Variants in CSMD1 observed in about 807,000 individuals in gnomAD.
CSMD1 encodes CUB and Sushi multiple domains 1.
A neutral mutation model predicts 417.5 loss-of-function variants in CSMD1; 213 were observed. That is an observed-to-expected ratio of 0.51 (90% confidence interval 0.46 to 0.57). The LOEUF is 0.57. CSMD1 is among the 20% of genes least tolerant of loss of function. The probability of loss-of-function intolerance (pLI) is 0.00; values close to 1 mark genes in which losing one functional copy is unlikely to be tolerated. For missense variants in CSMD1, 6,923 were observed against 4,529.7 expected, an observed-to-expected ratio of 1.53 and a Z score of -15.17; for synonymous variants, 2,862 against 1,736.8, an observed-to-expected ratio of 1.65 and a Z score of -16.11.
chr8:4,031,679 T>C (rs983101056), intron 4 of CSMD1, among the ~76,000 whole-genome samples: 10 of 152,208 alleles, frequency 6.6e-5, no homozygotes, highest in Admixed American at 3.3e-4. Flanking sequence ...TATCACATGT[T>C]ATTACTTACA....
Position 4,888,515 on chromosome 8 carries a change from G to C in CSMD1, c.85+105817C>G, listed in dbSNP as rs1050430594. On this transcript the variant is annotated intron_variant, in intron 1 of 69. Coordinates refer to ENST00000635120, the MANE Select transcript of CSMD1 (RefSeq NM_033225.6). ...GATAGACTGATAGATGAGAGAGAGA[G>C]AGAGAGAGAGAGAGGTATGTGTGTG... 3.9e-5 allele frequency among the ~76,000 whole-genome samples: 6 copies of C among 152,102 alleles called. No homozygotes were observed. In the South Asian group the frequency reaches 8.3e-4, roughly 21 times the overall value.
At chr8:4,845,903 G>A (rs1585203061) in intron 1 of CSMD1, among the ~76,000 whole-genome samples, 1 of 152,194 alleles carries the variant, frequency 6.6e-6, no homozygotes, top group Non-Finnish European at 1.5e-5. Flanking sequence ...TAACTAAAAT[G>A]ACAAGGTTAC....
At chr8:4,660,997 G>C (rs180766743) in intron 1 of CSMD1, among the ~76,000 whole-genome samples, 1 of 152,206 alleles carries the variant, frequency 6.6e-6, no homozygotes, top group African/African-American at 2.4e-5. Context: ...GAAGAAAATG[G>C]ATCATACATA....
In CSMD1 at chr8:3,987,547, G is replaced by C. The variant is rs565540373; in HGVS notation, c.818+10356C>G. ...TGGGAGTCTGACTCTAGCCCAAATG[G>C]TGCAGCTACGAAGGGGAGGAACACC... On this transcript the variant is annotated intron_variant, in intron 5 of 69. Transcript: ENST00000635120. Among the ~76,000 whole-genome samples the C allele has an allele frequency of 7.9e-5, 12 of 152,082 alleles. No homozygotes were observed. In the East Asian group the frequency reaches 9.6e-4, roughly 12 times the overall value.
intron 3 of CSMD1, among the ~76,000 whole-genome samples, chr8:4,247,289 T>G (rs2128827859): frequency 6.6e-6 from 1 of 152,194 alleles, no homozygotes; most frequent in Admixed American, 6.5e-5. Context: ...AGATAATCAA[T>G]GGGTGGTCAA....
chr8:3,906,492 A>G (rs1372216722), intron 5 of CSMD1, among the ~76,000 whole-genome samples: 2 of 151,590 alleles, frequency 1.3e-5, no homozygotes, highest in Non-Finnish European at 2.9e-5. Context: ...AGTGTATCCG[A>G]TAAGAGAATG....
intron 3 of CSMD1, among the ~76,000 whole-genome samples, chr8:4,068,112 A>G (rs889657558): frequency 1.5e-4 from 23 of 152,232 alleles, no homozygotes; most frequent in African/African-American, 5.5e-4. Context: ...GGGACACAAC[A>G]GTGAGTGTCT....
At chr8:4,039,752 T>C (rs551394366) in intron 3 of CSMD1, among the ~76,000 whole-genome samples, 1 of 152,220 alleles carries the variant, frequency 6.6e-6, no homozygotes. Flanking sequence ...TAAATTGATG[T>C]GGGGGAAGTC....
chr8:3,850,572 G>A (rs1029413372), intron 5 of CSMD1, among the ~76,000 whole-genome samples: 5 of 152,112 alleles, frequency 3.3e-5, no homozygotes, highest in African/African-American at 1.2e-4. Context: ...GCTCTCACCT[G>A]TTTTCCCAGC....
chr8:4,366,968 G>A (rs916324463), intron 3 of CSMD1, among the ~76,000 whole-genome samples: 10 of 152,022 alleles, frequency 6.6e-5, no homozygotes, highest in African/African-American at 1.9e-4. Context: ...TGTGTACTCT[G>A]CAAATATTTT....
chr8:4,978,360 C>T (rs1224686425), intron 1 of CSMD1, among the ~76,000 whole-genome samples: 1 of 152,000 alleles, frequency 6.6e-6, no homozygotes, highest in African/African-American at 2.4e-5. Flanking sequence ...AGGAAAAAGC[C>T]AGATCACACT....
chr8:3,237,327 C>T (rs1799211351), intron 26 of CSMD1, among the ~76,000 whole-genome samples: 1 of 151,498 alleles, frequency 6.6e-6, no homozygotes, highest in Non-Finnish European at 1.5e-5. Flanking sequence ...ATTAGCTGGT[C>T]ATGGTGGTGT....
intron 10 of CSMD1, among the ~76,000 whole-genome samples, chr8:3,561,966 C>T (rs1454821830): frequency 6.6e-6 from 1 of 152,150 alleles, no homozygotes; most frequent in Non-Finnish European, 1.5e-5. Context: ...CCTGTGTGCA[C>T]TGCAGGGCTT....
chr8:4,750,880 C>G (rs974083424), intron 1 of CSMD1, among the ~76,000 whole-genome samples: 2 of 152,046 alleles, frequency 1.3e-5, no homozygotes, highest in Non-Finnish European at 2.9e-5. Context: ...CTGTGAACAC[C>G]CAGAGAAGCA....
intron 3 of CSMD1, among the ~76,000 whole-genome samples, chr8:4,058,924 G>C (rs564996256): frequency 2.0e-5 from 3 of 152,016 alleles, no homozygotes; most frequent in South Asian, 2.1e-4. Context: ...ATTGAACTCA[G>C]CTCTGCACCA....
chr8:3,328,016 G>T (rs1010399399), intron 23 of CSMD1, among the ~76,000 whole-genome samples: 10 of 152,084 alleles, frequency 6.6e-5, no homozygotes, highest in African/African-American at 2.4e-4. Context: ...GCCAATTCGG[G>T]TTCCAGTTTC....
At chr8:4,904,702 AG>A (rs1472818306) in intron 1 of CSMD1, among the ~76,000 whole-genome samples, 3 of 152,250 alleles carry the variant, frequency 2.0e-5, no homozygotes, top group Admixed American at 1.3e-4. Context: ...CTAAAATGGA[AG>A]AAAGTAACAC....
intron 51 of CSMD1, among the ~76,000 whole-genome samples, chr8:3,025,379 TGTGTATTGTGTGGTGTTATTCTGAAACC>T (rs1809792107): frequency 5.4e-5 from 8 of 148,866 alleles, no homozygotes; most frequent in Non-Finnish European, 6.0e-5. Flanking sequence ...ATTCTGAAAC[TGTGTATTGTGTGGTGTTATTCTGAAACC>T]GTGTATTGTG....
chr8:3,614,950 C>T (rs1236587091), intron 8 of CSMD1, among the ~76,000 whole-genome samples: 1 of 152,160 alleles, frequency 6.6e-6, no homozygotes, highest in East Asian at 1.9e-4. Context: ...ACAAGAGGGA[C>T]ATGAAAGACA....
Sources: allele counts gnomAD v4.1 joint callset (sites outside exome capture counted in the v4.1 genomes callset), GRCh38; gene constraint gnomAD v4.1.1; transcripts MANE v1.5; gene names NCBI Gene and HGNC (gene_info 2026-07-23, HGNC 2026-07-21).